Variants in LRRN2 observed in about 807,000 individuals in gnomAD.
The protein encoded by LRRN2 is leucine-rich repeat neuronal protein 2.
LRRN2 carries 10 observed loss-of-function variants against 35.7 expected under a neutral mutation model. The ratio of observed to expected loss-of-function variants is 0.28; its 90% CI spans 0.17 to 0.47. The LOEUF is 0.47. Among genes scored for constraint, LRRN2 ranks in the 20% least tolerant of loss-of-function variants. The pLI is 0.99. For missense variants in LRRN2, 731 were observed against 940.3 expected (o/e 0.78, Z 2.91); for synonymous variants, 391 against 409.6 (o/e 0.95, Z 0.55).
chr1:204,685,253 C>A (rs994313869), intron 1 of LRRN2, 67 bp downstream of exon 1: 1 of 152,378 alleles, frequency 6.6e-6, no homozygotes, highest in Non-Finnish European at 1.5e-5. Context: ...ACGCCAGCGA[C>A]CTCGGTGTCC....
At chr1:204,625,035 C>G (rs541302388) in intron 1 of LRRN2, among the ~76,000 whole-genome samples, 1 of 152,218 alleles carries the variant, frequency 6.6e-6, no homozygotes, top group Non-Finnish European at 1.5e-5. Context: ...CTTCCACCTC[C>G]CATTTAATCA....
chr1:204,675,185 G>A (rs879301782), intron 1 of LRRN2, among the ~76,000 whole-genome samples: 7 of 152,264 alleles, frequency 4.6e-5, no homozygotes, highest in Middle Eastern at 3.4e-3. Context: ...CGGAGCCACC[G>A]AGTTCTGAAG....
chr1:204,674,977 C>T (rs185654437), intron 1 of LRRN2, among the ~76,000 whole-genome samples: 155 of 152,302 alleles, frequency 1.0e-3, no homozygotes, highest in African/African-American at 3.2e-3. Context: ...ATTGTTGTAA[C>T]GGACGAGTTC....
chr1:204,619,126 C>T lies in LRRN2; in HGVS notation c.867G>A (p.Glu289=). 1 of 1,613,126 alleles carries T rather than the reference C, an allele frequency of 6.2e-7. No homozygotes were observed. The highest frequency in any genetic ancestry group is 8.5e-7 in the Non-Finnish European group (1 of 1,179,564). Residue 289 remains glutamate (E), a synonymous_variant, in exon 2 of 2, where the codon GAG becomes GAA. Coordinates refer to ENST00000367177, the MANE Select transcript of LRRN2 (RefSeq NM_201630.2). ...GDFANMLHLK[E]LGLNNMEELV... ...GCTCCTCCATGTTGTTCAGTCCCAG[C>T]TCCTTAAGGTGCAGCATGTTGGCAA...
chr1:204,666,423 C>A (rs974935867), intron 1 of LRRN2, among the ~76,000 whole-genome samples: 3 of 152,208 alleles, frequency 2.0e-5, no homozygotes, highest in Admixed American at 2.0e-4. Flanking sequence ...TGAGCTTGTA[C>A]AATAAACGTT....
intron 1 of LRRN2, among the ~76,000 whole-genome samples, chr1:204,673,793 C>G (rs1420106372): frequency 6.6e-6 from 1 of 152,166 alleles, no homozygotes. Context: ...GGTTCTCCCC[C>G]TCCCTGCTTT....
chr1:204,620,270 CCCT>C, intron 1 of LRRN2, 52 bp from the exon 2 acceptor site: 1 of 1,262,744 alleles, frequency 7.9e-7, no homozygotes, highest in Non-Finnish European at 1.0e-6. Context: ...CAGTATCTAC[CCCT>C]CCTCCCGTGT....
In LRRN2 at chr1:204,619,158, C is replaced by T; in HGVS notation, c.835G>A (p.Gly279Arg). The change falls in exon 2 of 2, where the codon GGG becomes AGG. Residue 279 changes from glycine to arginine, a missense_variant. Physicochemically the swap from Gly to Arg is moderately radical, Grantham distance 125. This residue lies in a region of LRRN2 where 256 missense variants were observed against 392.4 expected (regional missense o/e 0.65). Transcript: ENST00000367177. ...NKNPLQRVGP[G>R]DFANMLHLKE... is the part of the protein sequence containing the mutation. The stretch of plus-strand genomic sequence containing the variant: ...AGGTGCAGCATGTTGGCAAAGTCCC[C>T]CGGCCCTACCCGCTGGAGCGGGTTC... The T allele has an allele frequency of 6.2e-7, 1 of 1,614,054 alleles. No homozygotes were observed. The highest frequency in any genetic ancestry group is 8.5e-7 in the Non-Finnish European group (1 of 1,180,016).
At position 204,618,367 on chromosome 1, in the gene LRRN2, C is replaced by T. The variant is rs199551654; in HGVS notation, c.1626G>A (p.Leu542=). Residue 542 remains leucine (L), a synonymous_variant, in exon 2 of 2, where the codon CTG becomes CTA. Coordinates refer to ENST00000367177, the MANE Select transcript of LRRN2 (RefSeq NM_201630.2). ...RVQETHPYHI[L]LSWVTPPNTV... is the part of the protein sequence containing the mutation. ...TGTTGGGTGGGGTGACCCAAGATAG[C>T]AGGATGTGATAGGGGTGGGTCTCCT... 230 of 1,604,224 alleles carry T rather than the reference C, an allele frequency of 1.4e-4. No homozygotes were observed. The highest frequency in any genetic ancestry group is 1.9e-4 in the Non-Finnish European group (226 of 1,174,346).
At chr1:204,631,299 T>C (rs1408573564) in intron 1 of LRRN2, among the ~76,000 whole-genome samples, 2 of 111,008 alleles carry the variant, frequency 1.8e-5, no homozygotes, top group Non-Finnish European at 3.7e-5. Context: ...TATATATATA[T>C]ATATGAAGAG....
At chr1:204,628,433 A>C (rs1667564851) in intron 1 of LRRN2, 1 of 152,308 alleles carries the variant, frequency 6.6e-6, no homozygotes. Context: ...TCTCATCTGC[A>C]AGATGGAGAC....
intron 1 of LRRN2, among the ~76,000 whole-genome samples, chr1:204,673,964 G>T (rs1371415073): frequency 6.6e-6 from 1 of 152,090 alleles, no homozygotes; most frequent in Non-Finnish European, 1.5e-5. Context: ...GTACCCTTTT[G>T]TTCTCAGGGC....
intron 1 of LRRN2, among the ~76,000 whole-genome samples, chr1:204,643,763 T>A (rs1474196981): frequency 1.3e-5 from 2 of 152,036 alleles, no homozygotes; most frequent in African/African-American, 4.8e-5. Context: ...TATAAATTCC[T>A]CCAGAAACCC....
intron 1 of LRRN2, among the ~76,000 whole-genome samples, chr1:204,683,492 A>G (rs1668998004): frequency 6.6e-6 from 1 of 152,082 alleles, no homozygotes; most frequent in Admixed American, 6.5e-5. Flanking sequence ...GGGGAGGCAC[A>G]GGGAAAATAG....
chr1:204,627,245 G>A (rs1275275522), intron 1 of LRRN2: 2 of 152,224 alleles, frequency 1.3e-5, no homozygotes, highest in African/African-American at 4.8e-5. Context: ...GTCCCACAGC[G>A]AGAGTGTGGA....
intron 1 of LRRN2, chr1:204,628,093 C>G (rs1329081300): frequency 1.3e-5 from 2 of 152,282 alleles, no homozygotes; most frequent in Non-Finnish European, 2.9e-5. Flanking sequence ...TCCTTCCTGA[C>G]AGGAAAGAGA....
At chr1:204,662,072 G>A (rs547315043) in intron 1 of LRRN2, among the ~76,000 whole-genome samples, 8 of 152,200 alleles carry the variant, frequency 5.3e-5, no homozygotes, top group African/African-American at 1.4e-4. Context: ...GGAGACTGAC[G>A]TGATCAGTTC....
Position 204,619,626 on chromosome 1 carries a change from G to T in LRRN2, c.367C>A (p.His123Asn). ...FHALPQLLSL[H>N]LEENQLTRLE... is the part of the protein sequence containing the mutation. The stretch of plus-strand genomic sequence containing the variant: ...CGGGTCAGCTGGTTCTCCTCTAGGT[G>T]CAGGCTCAGCAGCTGGGGCAGGGCA... Residue 123 changes from histidine to asparagine, a missense_variant, in exon 2 of 2, where the codon CAC becomes AAC. By Grantham distance (68) the His-to-Asn change is moderately conservative. This residue lies in a region of LRRN2 where 246 missense variants were observed against 289.5 expected (regional missense o/e 0.85). Transcript: ENST00000367177. The T allele has an allele frequency of 3.1e-6, 5 of 1,614,206 alleles. No homozygotes were observed. Among genetic ancestry groups the T allele is most frequent in the Non-Finnish European group, 4.2e-6 (5 of 1,180,044 alleles).
chr1:204,654,176 C>A (rs1668294948), intron 1 of LRRN2, among the ~76,000 whole-genome samples: 1 of 152,210 alleles, frequency 6.6e-6, no homozygotes, highest in East Asian at 1.9e-4. Context: ...TGAAGCCATA[C>A]TTGTAAGTAC....
Sources: allele counts gnomAD v4.1 joint callset (sites outside exome capture counted in the v4.1 genomes callset), GRCh38; gene constraint gnomAD v4.1.1; regional missense constraint gnomAD v4.1.1; transcripts MANE v1.5; gene names NCBI Gene and HGNC (gene_info 2026-07-23, HGNC 2026-07-21).